The following DLGAP2 variants were observed in gnomAD, a reference collection of about 807,000 sequenced individuals.
The protein encoded by DLGAP2 is DLG associated protein 2, also known as disks large-associated protein 2.
A neutral mutation model predicts 100.3 loss-of-function variants in DLGAP2; 26 were observed. The ratio of observed to expected loss-of-function variants is 0.26; its 90% CI spans 0.19 to 0.36. The LOEUF (loss-of-function observed/expected upper bound fraction) is 0.36. Ranked by LOEUF, DLGAP2 falls within the 10% of genes least tolerant of loss-of-function variation. The pLI, the probability that DLGAP2 is intolerant of heterozygous loss-of-function variation, is 1.00. For synonymous variants in DLGAP2, 886 were observed against 630.1 expected (o/e 1.41, Z -6.08); for missense variants, 1,858 against 1,453.2 (o/e 1.28, Z -4.53).
chr8:1,168,930 G>T (rs537250180), intron 2 of DLGAP2, among the ~76,000 whole-genome samples: 8,959 of 133,304 alleles, frequency 0.067, 948 homozygotes, highest in African/African-American at 0.22. Context: ...CATTGCTTTT[G>T]GTGTTTTAGA....
Position 1,707,205 on chromosome 8 carries a change from T to G in DLGAP2, c.*5799T>G, listed in dbSNP as rs1049036638. 3.9e-5 allele frequency: 6 copies of G among 152,650 alleles called. No individual in the cohort carries two copies. The highest frequency in any genetic ancestry group is 1.4e-4 in the African/African-American group (6 of 41,452). The allele number at this position is 152,650 out of a possible 1,614,324, so 9.5% of individuals were successfully genotyped here. A position where few individuals can be genotyped will look rare whatever the true frequency, so the allele number is the denominator to read the frequency against. On this transcript the variant is annotated 3_prime_UTR_variant, in exon 15 of 15. Coordinates refer to ENST00000637795, the MANE Select transcript of DLGAP2 (RefSeq NM_001346810.2). Reference sequence around the variant, plus strand: ...ACCTGAAAGCCTTGGGCATCCAAGCTTTCACCTACTCAATGGAGGAGAGGT... The same window carrying G: ...ACCTGAAAGCCTTGGGCATCCAAGCGTTCACCTACTCAATGGAGGAGAGGT...
At chr8:1,335,148 T>A (rs1235077172) in intron 3 of DLGAP2, among the ~76,000 whole-genome samples, 1 of 152,146 alleles carries the variant, frequency 6.6e-6, no homozygotes, top group Non-Finnish European at 1.5e-5. Flanking sequence ...ACTGCCCAGA[T>A]AATTTCTGGA....
chr8:921,126 CCTT>C (rs1183825182), intron 2 of DLGAP2, among the ~76,000 whole-genome samples: 5 of 152,182 alleles, frequency 3.3e-5, no homozygotes, highest in South Asian at 4.1e-4. Context: ...ATCTCCATCT[CCTT>C]CTGCGAGATT....
chr8:1,593,040 A>G (rs1403404117), intron 6 of DLGAP2, among the ~76,000 whole-genome samples: 1 of 152,228 alleles, frequency 6.6e-6, no homozygotes, highest in Non-Finnish European at 1.5e-5. Context: ...ACATTGCAAT[A>G]GTAAAAATCT....
chr8:914,681 G>A (rs1318151976), intron 2 of DLGAP2, among the ~76,000 whole-genome samples: 11 of 152,228 alleles, frequency 7.2e-5, no homozygotes, highest in Non-Finnish European at 1.2e-4. Flanking sequence ...GCAGGTTAAT[G>A]TACGTATTTA....
intron 6 of DLGAP2, among the ~76,000 whole-genome samples, chr8:1,581,401 GA>G (rs1185697415): frequency 2.6e-4 from 39 of 149,016 alleles, no homozygotes; most frequent in Admixed American, 2.6e-3. Context: ...GAAGGATACA[GA>G]AAAAACCCCA....
At chr8:1,040,662 TG>T (rs1563159903) in intron 2 of DLGAP2, among the ~76,000 whole-genome samples, 1 of 113,196 alleles carries the variant, frequency 8.8e-6, no homozygotes, top group Non-Finnish European at 1.9e-5. Context: ...GTGGTCGGCT[TG>T]GTGTGTGTGG....
chr8:1,519,716 C>T (rs1328250908), intron 4 of DLGAP2, among the ~76,000 whole-genome samples: 2 of 152,342 alleles, frequency 1.3e-5, no homozygotes. Flanking sequence ...TATGCACTTG[C>T]CTGCCTGTAA....
chr8:1,262,055 C>G (rs1003173931), intron 3 of DLGAP2, among the ~76,000 whole-genome samples: 1 of 152,192 alleles, frequency 6.6e-6, no homozygotes, highest in Admixed American at 6.5e-5. Context: ...AAGTGGGAAA[C>G]ACCTATTTGC....
At chr8:1,160,152 T>C (rs938071362) in intron 2 of DLGAP2, among the ~76,000 whole-genome samples, 1 of 152,174 alleles carries the variant, frequency 6.6e-6, no homozygotes, top group Non-Finnish European at 1.5e-5. Flanking sequence ...CTGTGCACTA[T>C]TTGGCAATGT....
At chr8:803,507 A>T (rs1021061403) in intron 1 of DLGAP2, among the ~76,000 whole-genome samples, 1 of 152,068 alleles carries the variant, frequency 6.6e-6, no homozygotes, top group Non-Finnish European at 1.5e-5. Context: ...AGCCCAGGAA[A>T]GCTTGGAGAT....
chr8:1,246,292 A>G (rs1314415188), intron 2 of DLGAP2, among the ~76,000 whole-genome samples: 1 of 152,212 alleles, frequency 6.6e-6, no homozygotes, highest in Non-Finnish European at 1.5e-5. Context: ...GACATATATA[A>G]ACAAATTTCC....
chr8:1,250,505 T>C (rs1332109812), intron 2 of DLGAP2: 1 of 152,172 alleles, frequency 6.6e-6, no homozygotes, highest in Non-Finnish European at 1.5e-5. Flanking sequence ...TCTCTGAGGA[T>C]AGCTGAGCAT....
chr8:819,403 CA>C (rs1397889110), intron 1 of DLGAP2, among the ~76,000 whole-genome samples: 1 of 152,160 alleles, frequency 6.6e-6, no homozygotes. Flanking sequence ...AGAAACTCAA[CA>C]GGTGCAGGAG....
chr8:1,241,304 G>A (rs542409793), intron 2 of DLGAP2, among the ~76,000 whole-genome samples: 14 of 150,052 alleles, frequency 9.3e-5, no homozygotes, highest in South Asian at 4.3e-4. Flanking sequence ...ACATGGAGCC[G>A]TGTCTAGTTC....
intron 4 of DLGAP2, among the ~76,000 whole-genome samples, chr8:1,538,304 A>G (rs1030065455): frequency 7.2e-5 from 11 of 152,220 alleles, no homozygotes; most frequent in Non-Finnish European, 1.3e-4. Context: ...TCTCACCTGC[A>G]GTACTCCCTT....
intron 2 of DLGAP2, among the ~76,000 whole-genome samples, chr8:1,048,648 A>G (rs1196858277): frequency 1.3e-5 from 2 of 151,976 alleles, no homozygotes; most frequent in East Asian, 2.0e-4. Context: ...CTCAAACCAC[A>G]TGCCTTGATG....
At chr8:1,051,485 T>C (rs193196023) in intron 2 of DLGAP2, among the ~76,000 whole-genome samples, 1 of 152,338 alleles carries the variant, frequency 6.6e-6, no homozygotes, top group African/African-American at 2.4e-5. Flanking sequence ...AGGCACAGAC[T>C]ATATTGATGT....
chr8:1,410,451 G>A (rs1237343178), intron 3 of DLGAP2, among the ~76,000 whole-genome samples: 4 of 152,284 alleles, frequency 2.6e-5, no homozygotes, highest in Non-Finnish European at 4.4e-5. Context: ...ACATAATTCT[G>A]TAGCAGTAAC....
Sources: allele counts gnomAD v4.1 joint callset (sites outside exome capture counted in the v4.1 genomes callset), GRCh38; gene constraint gnomAD v4.1.1; transcripts MANE v1.5; gene names NCBI Gene and HGNC (gene_info 2026-07-23, HGNC 2026-07-21).